NUP210L: variants seen among roughly 807,000 people sequenced by gnomAD.
NUP210L encodes nucleoporin 210 like, also known as nuclear pore membrane glycoprotein 210-like.
A neutral mutation model predicts 208.5 loss-of-function variants in NUP210L; 74 were observed. That is an observed-to-expected ratio of 0.35 (90% confidence interval 0.29 to 0.43). NUP210L has a LOEUF of 0.43. NUP210L is among the 20% of genes least tolerant of loss of function. NUP210L has a pLI of 1.00. For synonymous variants in NUP210L, 780 were observed against 816.9 expected, an observed-to-expected ratio of 0.95 and a Z score of 0.77; for missense variants, 1,843 against 2,289.4, an observed-to-expected ratio of 0.81 and a Z score of 3.98.
At chr1:154,069,357 A>G (rs1654583741) in intron 17 of NUP210L, among the ~76,000 whole-genome samples, 1 of 152,202 alleles carries the variant, frequency 6.6e-6, no homozygotes, top group Non-Finnish European at 1.5e-5. Context: ...CAAGAAAAAA[A>G]TCAAACAACC....
exon 11 of NUP210L, chr1:154,118,706 G>C (rs748828793): frequency 1.2e-6 from 2 of 1,607,396 alleles, no homozygotes; most frequent in East Asian, 4.5e-5. Context: ...CCCATAGGAT[G>C]ATGAGGAAAT....
In NUP210L at chr1:154,093,119, T is replaced by A. The variant is rs188697800; in HGVS notation, c.2187+1816A>T. 5.0e-3 allele frequency among the ~76,000 whole-genome samples: 759 copies of A among 152,018 alleles called. 10 individuals carry two copies. Among genetic ancestry groups the A allele is most frequent in the South Asian group, 0.049 (233 of 4,784 alleles). ...CATAATACTATTGAACTGTACATTT[T>A]AAAAAAATGATTAAGATGGTAATTT... is the stretch of plus-strand genomic sequence containing the variant. On this transcript the variant is annotated intron_variant, in intron 15 of 39. Transcript: ENST00000368559.
rs1475197650 is a variant in NUP210L, at chr1:154,018,918, T to C, written c.4653+15A>G. The stretch of plus-strand genomic sequence containing the variant: ...GTCACCCTAGTCTCTTAAACTCTGA[T>C]ACAGTTATGTTTACCTCTCGATATG... On this transcript the variant is annotated intron_variant, in intron 33 of 39. Transcript: ENST00000368559. The C allele has an allele frequency of 6.2e-7, 1 of 1,613,736 alleles. No homozygotes were observed. Among genetic ancestry groups the C allele is most frequent in the Non-Finnish European group, 8.5e-7 (1 of 1,179,822 alleles).
chr1:153,992,820 T>G (rs768259999), exon 40 of NUP210L: 11 of 1,548,584 alleles, frequency 7.1e-6, no homozygotes, highest in Non-Finnish European at 9.6e-6. Flanking sequence ...TAAGAGAAAC[T>G]TGTCCAAGCA....
At chr1:154,117,617 T>G in intron 12 of NUP210L, 108 bp downstream of exon 12, 2 of 814,678 alleles carry the variant, frequency 2.5e-6, no homozygotes, top group Non-Finnish European at 3.8e-6. Flanking sequence ...TGAATGTGAG[T>G]AATATTTTTA....
chr1:154,015,953 T>TAAATAAAA (rs1651224844), intron 33 of NUP210L, among the ~76,000 whole-genome samples: 6 of 136,870 alleles, frequency 4.4e-5, no homozygotes, highest in African/African-American at 1.6e-4. Context: ...AATAAATAAA[T>TAAATAAAA]AAAAATAAAA....
At chr1:154,070,608 C>T (rs1208349508) in intron 16 of NUP210L, 143 bp from the exon 17 acceptor site, 1 of 533,584 alleles carries the variant, frequency 1.9e-6, no homozygotes, top group Non-Finnish European at 3.2e-6. Context: ...ATTGAAAGAA[C>T]AATATAATAA....
chr1:154,149,324 G>A (rs776618844), intron 2 of NUP210L, among the ~76,000 whole-genome samples: 3 of 152,102 alleles, frequency 2.0e-5, no homozygotes, highest in Non-Finnish European at 4.4e-5. Context: ...GACCTCAGGT[G>A]ATCCACCCGC....
chr1:154,054,085 CTGGT>C, intron 25 of NUP210L, 139 bp downstream of exon 25: 1 of 707,816 alleles, frequency 1.4e-6, no homozygotes, highest in Admixed American at 2.7e-5. Flanking sequence ...TTTTCCATGC[CTGGT>C]TGACAGAATG....
At chr1:154,129,416 C>T in intron 7 of NUP210L, 71 bp from the exon 8 acceptor site, 2 of 846,626 alleles carry the variant, frequency 2.4e-6, no homozygotes, top group Non-Finnish European at 3.9e-6. Context: ...AGGAGAAAAA[C>T]AAACAAACAA....
At chr1:154,116,072 G>A (rs984088861) in intron 12 of NUP210L, among the ~76,000 whole-genome samples, 2 of 151,804 alleles carry the variant, frequency 1.3e-5, no homozygotes, top group African/African-American at 2.4e-5. Flanking sequence ...TGGCTAGCAC[G>A]GTGAAACCCC....
intron 13 of NUP210L, among the ~76,000 whole-genome samples, chr1:154,102,747 T>C (rs1462216396): frequency 6.6e-6 from 1 of 152,208 alleles, no homozygotes; most frequent in African/African-American, 2.4e-5. Flanking sequence ...GGAAAGGATG[T>C]TGACCGTTAT....
At chr1:154,019,746 G>A (rs762460715) in intron 32 of NUP210L, among the ~76,000 whole-genome samples, 1 of 152,070 alleles carries the variant, frequency 6.6e-6, no homozygotes, top group Non-Finnish European at 1.5e-5. Context: ...GACCAACATG[G>A]TGAAACCCCA....
At chr1:154,101,005 T>G (rs1246233091) in intron 13 of NUP210L, among the ~76,000 whole-genome samples, 1 of 151,306 alleles carries the variant, frequency 6.6e-6, no homozygotes, top group African/African-American at 2.4e-5. Context: ...AAATCCCGTC[T>G]CTACTAAAAA....
At chr1:154,027,101 A>C (rs1289271096) in intron 29 of NUP210L, among the ~76,000 whole-genome samples, 2 of 150,504 alleles carry the variant, frequency 1.3e-5, no homozygotes, top group Non-Finnish European at 2.9e-5. Context: ...AAAAAACAAA[A>C]AAAAAAAAAC....
intron 23 of NUP210L, 114 bp downstream of exon 23, chr1:154,056,701 T>TGA: frequency 4.6e-6 from 5 of 1,080,502 alleles, no homozygotes; most frequent in Non-Finnish European, 6.5e-6. Context: ...CATGGTGGTG[T>TGA]GAGCCACTGT....
exon 1 of NUP210L, chr1:154,154,939 C>T: frequency 6.2e-7 from 1 of 1,614,200 alleles, no homozygotes; most frequent in Non-Finnish European, 8.5e-7. Flanking sequence ...AGTTTGTTGG[C>T]CAGGGTCCCA....
At chr1:154,151,203 T>C (rs1397663217) in intron 2 of NUP210L, among the ~76,000 whole-genome samples, 1 of 151,488 alleles carries the variant, frequency 6.6e-6, no homozygotes, top group African/African-American at 2.5e-5. Context: ...CTGACTTTCG[T>C]ATCCTTCTCT....
intron 18 of NUP210L, 85 bp from the exon 19 acceptor site, chr1:154,061,131 A>G: frequency 1.1e-6 from 1 of 899,860 alleles, no homozygotes; most frequent in South Asian, 1.4e-5. Context: ...TAATCCCAGC[A>G]CTTTGGGAGG....
Sources: allele counts gnomAD v4.1 joint callset (sites outside exome capture counted in the v4.1 genomes callset), GRCh38; gene constraint gnomAD v4.1.1; transcripts MANE v1.5; gene names NCBI Gene and HGNC (gene_info 2026-07-23, HGNC 2026-07-21).